MICU1: variants seen among roughly 807,000 people sequenced by gnomAD.
MICU1 encodes calcium uptake protein 1, mitochondrial.
MICU1 carries 45 observed loss-of-function variants against 56.8 expected under a neutral mutation model. The ratio of observed to expected loss-of-function variants is 0.79; its 90% CI spans 0.62 to 1.02. MICU1 has a LOEUF of 1.02. MICU1 is among the 50% of genes least tolerant of loss of function. The pLI, the probability that MICU1 is intolerant of heterozygous loss-of-function variation, is 0.00. For synonymous variants in MICU1, 186 were observed against 195.1 expected, an observed-to-expected ratio of 0.95 and a Z score of 0.39; for missense variants, 504 against 587.1, an observed-to-expected ratio of 0.86 and a Z score of 1.46.
At chr10:72,448,165 A>ATGTGTGTG (rs71018288) in intron 8 of MICU1, among the ~76,000 whole-genome samples, 2,989 of 84,898 alleles carry the variant, frequency 0.035, 235 homozygotes, top group African/African-American at 0.13. Flanking sequence ...GTGTGTGTAT[A>ATGTGTGTG]TGTGTGTGTA....
At chr10:72,516,928 T>C (rs1297253020) in intron 5 of MICU1, among the ~76,000 whole-genome samples, 2 of 152,186 alleles carry the variant, frequency 1.3e-5, no homozygotes, top group Non-Finnish European at 2.9e-5. Context: ...GGCATGCTCT[T>C]GTTAAAGAGT....
intron 1 of MICU1, among the ~76,000 whole-genome samples, chr10:72,612,953 A>G (rs1231991277): frequency 1.3e-5 from 2 of 152,136 alleles, no homozygotes; most frequent in Non-Finnish European, 2.9e-5. Context: ...AATCCATAAT[A>G]TAAAGAAAAA....
intron 6 of MICU1, among the ~76,000 whole-genome samples, chr10:72,479,280 T>C (rs1254504468): frequency 6.6e-6 from 1 of 152,162 alleles, no homozygotes; most frequent in Non-Finnish European, 1.5e-5. Context: ...GCCTCTAATG[T>C]GAACATAGAG....
intron 10 of MICU1, among the ~76,000 whole-genome samples, chr10:72,389,667 C>T (rs750967986): frequency 2.0e-5 from 3 of 152,152 alleles, no homozygotes; most frequent in South Asian, 2.1e-4. Flanking sequence ...ACACCGAGGA[C>T]GTAACTGAAC....
At chr10:72,576,135 A>AT (rs1840736398) in intron 1 of MICU1, among the ~76,000 whole-genome samples, 1 of 149,580 alleles carries the variant, frequency 6.7e-6, no homozygotes, top group Non-Finnish European at 1.5e-5. Context: ...AATCTCTTGA[A>AT]CTTGGGAGGC....
chr10:72,412,546 T>C (rs1345645987), intron 9 of MICU1, among the ~76,000 whole-genome samples: 2 of 152,190 alleles, frequency 1.3e-5, no homozygotes, highest in East Asian at 1.9e-4. Context: ...GTAAATAGAA[T>C]TGTCTTTCAA....
At chr10:72,582,060 G>A (rs145534725) in intron 1 of MICU1, among the ~76,000 whole-genome samples, 3,275 of 152,276 alleles carry the variant, frequency 0.022, 120 homozygotes, top group African/African-American at 0.075. Context: ...CTCCCTAGTA[G>A]CTGGGATTAC....
intron 8 of MICU1, among the ~76,000 whole-genome samples, chr10:72,462,060 T>C (rs939482237): frequency 6.6e-6 from 1 of 152,188 alleles, no homozygotes; most frequent in Non-Finnish European, 1.5e-5. Context: ...TAGCCTCTTA[T>C]TGCCTCAATT....
chr10:72,425,044 T>C (rs868364237), intron 8 of MICU1, among the ~76,000 whole-genome samples: 1 of 152,234 alleles, frequency 6.6e-6, no homozygotes, highest in Non-Finnish European at 1.5e-5. Flanking sequence ...ATGACTCAAT[T>C]TACTATCCTG....
intron 1 of MICU1, among the ~76,000 whole-genome samples, chr10:72,570,864 T>C (rs1222473164): frequency 1.3e-5 from 2 of 151,610 alleles, no homozygotes; most frequent in African/African-American, 4.9e-5. Flanking sequence ...TGGCAACTTC[T>C]GATTTTTTTT....
chr10:72,423,282 C>G lies in MICU1; in HGVS notation c.1023G>C (p.Lys341Asn). Residue 341 changes from lysine to asparagine, a missense_variant, in exon 9 of 12, where the codon AAG (lysine) becomes AAC (asparagine). By Grantham distance (94) the Lys-to-Asn change is moderately conservative. Transcript: ENST00000361114. Reference protein sequence around the residue: ...LLAYSGVQSKKLTAMQRQLKK... With the variant: ...LLAYSGVQSKNLTAMQRQLKK... ...TGAGCTGCCTCTGCATGGCGGTCAG[C>G]TTCTTGGACTGCACCCCACTGTAGG... 6.2e-7 allele frequency: 1 copy of G among 1,613,972 alleles called. No individual in the cohort carries two copies. Among genetic ancestry groups the G allele is most frequent in the Non-Finnish European group, 8.5e-7 (1 of 1,179,868 alleles).
chr10:72,512,105 T>TTTTTTTTTTTTTTTTA (rs1867481300), intron 5 of MICU1, among the ~76,000 whole-genome samples: 1 of 22,506 alleles, frequency 4.4e-5, no homozygotes, highest in African/African-American at 1.2e-4. Context: ...CAGTTGTTTT[T>TTTTTTTTTTTTTTTTA]TGTTTTTTTT....
At chr10:72,595,111 C>A (rs1841339788) in intron 1 of MICU1, among the ~76,000 whole-genome samples, 1 of 151,664 alleles carries the variant, frequency 6.6e-6, no homozygotes, top group Non-Finnish European at 1.5e-5. Flanking sequence ...ATGTGTAAAT[C>A]CAAGAATAGA....
At chr10:72,399,595 G>A (rs1029728369) in intron 10 of MICU1, among the ~76,000 whole-genome samples, 2 of 152,076 alleles carry the variant, frequency 1.3e-5, no homozygotes, top group African/African-American at 4.8e-5. Context: ...GCAGGGGGCT[G>A]AGATCGCGCC....
At chr10:72,466,121 TAAATAAAA>T (rs1865788639) in intron 8 of MICU1, among the ~76,000 whole-genome samples, 4 of 152,148 alleles carry the variant, frequency 2.6e-5, no homozygotes, top group Non-Finnish European at 5.9e-5. Context: ...GGGCCATTAG[TAAATAAAA>T]TAAAGGTTAC....
At chr10:72,469,117 A>C (rs900807754) in intron 8 of MICU1, among the ~76,000 whole-genome samples, 1 of 152,216 alleles carries the variant, frequency 6.6e-6, no homozygotes, top group African/African-American at 2.4e-5. Flanking sequence ...AAAATAAAGA[A>C]GGCATGTAAT....
chr10:72,544,733 CAT>C (rs1338081721), intron 4 of MICU1, among the ~76,000 whole-genome samples: 2 of 152,194 alleles, frequency 1.3e-5, no homozygotes, highest in African/African-American at 2.4e-5. Flanking sequence ...ATTCAGACTT[CAT>C]AGAGAGGGAG....
intron 8 of MICU1, among the ~76,000 whole-genome samples, chr10:72,437,983 G>C (rs1864789607): frequency 6.6e-6 from 1 of 152,164 alleles, no homozygotes; most frequent in Admixed American, 6.5e-5. Flanking sequence ...ATATTAGACA[G>C]ATCAACGAGA....
rs180842193 is a variant in MICU1, at chr10:72,557,044, T to C, written c.331-5703A>G. Among the ~76,000 whole-genome samples, 240 of 151,796 alleles carry C rather than the reference T, an allele frequency of 1.6e-3. 3 individuals are homozygous for C. The highest frequency in any genetic ancestry group is 5.3e-3 in the African/African-American group (220 of 41,396). ...TCACGCCACTGCACTCTAGCCTGGG[T>C]GACAGAGCAAGACTTCATCCCAAAA... On this transcript the variant is annotated intron_variant, in intron 3 of 11. Coordinates refer to ENST00000361114, the MANE Select transcript of MICU1 (RefSeq NM_001195518.2).
Sources: gnomAD v4.1 joint callset for allele counts (sites outside exome capture counted in the v4.1 genomes callset) on GRCh38, gnomAD v4.1.1 for gene constraint, MANE v1.5 for transcripts, NCBI Gene and HGNC (gene_info 2026-07-23, HGNC 2026-07-21) for gene names.